Variants in NKAIN2 observed in about 807,000 individuals in gnomAD.
NKAIN2 encodes sodium/potassium-transporting ATPase subunit beta-1-interacting protein 2.
A neutral mutation model predicts 32.6 loss-of-function variants in NKAIN2; 14 were observed. The observed-to-expected ratio is 0.43, with a 90% CI of 0.28 to 0.67. The LOEUF is 0.67. Among genes scored for constraint, NKAIN2 ranks in the 30% least tolerant of loss-of-function variants. The pLI is 0.17. For missense variants in NKAIN2, 198 were observed against 258.3 expected (o/e 0.77, Z 1.60); for synonymous variants, 80 against 87.2 (o/e 0.92, Z 0.46).
At chr6:124,102,506 T>G (rs2114952184) in intron 1 of NKAIN2, among the ~76,000 whole-genome samples, 1 of 152,314 alleles carries the variant, frequency 6.6e-6, no homozygotes, top group Admixed American at 6.5e-5. Context: ...AGTCGTTCGA[T>G]GCCCCAAGAG....
intron 2 of NKAIN2, among the ~76,000 whole-genome samples, chr6:124,286,192 G>T (rs964008043): frequency 1.3e-5 from 2 of 151,792 alleles, no homozygotes; most frequent in African/African-American, 4.8e-5. Context: ...ATTTTAAATT[G>T]AACATTATAT....
chr6:124,202,891 C>T lies in NKAIN2; in HGVS notation c.55-80114C>T, dbSNP rs868047784. On this transcript the variant is annotated intron_variant, in intron 1 of 6. Transcript: ENST00000368417. ...AATAAAAGAAATAAATAATAGATGG[C>T]AGTGATTGTGGCACCTACAAGAGGC... Among the ~76,000 whole-genome samples the T allele has an allele frequency of 2.6e-5, 4 of 151,890 alleles. No homozygotes were observed. In the Middle Eastern group the frequency reaches 0.014, roughly 517 times the overall value.
intron 4 of NKAIN2, among the ~76,000 whole-genome samples, chr6:124,770,171 T>C (rs1778685271): frequency 6.6e-6 from 1 of 152,198 alleles, no homozygotes; most frequent in African/African-American, 2.4e-5. Flanking sequence ...TTTAAAAACA[T>C]GAAAACATCA....
chr6:124,315,937 A>C (rs1796932330), intron 2 of NKAIN2, among the ~76,000 whole-genome samples: 1 of 152,140 alleles, frequency 6.6e-6, no homozygotes, highest in African/African-American at 2.4e-5. Flanking sequence ...TTCTTATGAC[A>C]AGATGGGTGA....
intron 3 of NKAIN2, among the ~76,000 whole-genome samples, chr6:124,612,663 A>T (rs924175113): frequency 2.0e-5 from 3 of 152,174 alleles, no homozygotes; most frequent in African/African-American, 7.2e-5. Context: ...ATAAAATGAA[A>T]CTATTGAATC....
chr6:124,824,878 A>G lies in NKAIN2; in HGVS notation c.*1649A>G, dbSNP rs1781526705. On this transcript the variant is annotated 3_prime_UTR_variant, in exon 7 of 7. Coordinates refer to ENST00000368417, the MANE Select transcript of NKAIN2 (RefSeq NM_001040214.3). ...GTTTGCATGGATGTCTGTAATATAC[A>G]CACACATATACATTTGAAAATGATA... The G allele has an allele frequency of 6.6e-6, 1 of 152,306 alleles. No homozygotes were observed. The highest frequency in any genetic ancestry group is 6.5e-5 in the Admixed American group (1 of 15,268). The allele number at this position is 152,306 out of a possible 1,614,324, so 9.4% of individuals were successfully genotyped here. A position where few individuals can be genotyped will look rare whatever the true frequency, so the allele number is the denominator to read the frequency against.
At position 124,557,148 on chromosome 6, in the gene NKAIN2, C is replaced by G. The variant is rs576852960; in HGVS notation, c.274-101038C>G. On this transcript the variant is annotated intron_variant, in intron 3 of 6. Coordinates refer to ENST00000368417, the MANE Select transcript of NKAIN2 (RefSeq NM_001040214.3). Reference sequence around the variant, plus strand: ...TATTTGCATATAACATTAACATAGGCAAATATTGATGATTGTTATTATGAT... The same window carrying G: ...TATTTGCATATAACATTAACATAGGGAAATATTGATGATTGTTATTATGAT... Among the ~76,000 whole-genome samples, 11 of 152,026 alleles carry G rather than the reference C, an allele frequency of 7.2e-5. No homozygotes were observed. The South Asian group carries it at 2.3e-3, about 32-fold the overall frequency.
chr6:124,157,827 A>G (rs1395283795), intron 1 of NKAIN2, among the ~76,000 whole-genome samples: 4 of 152,162 alleles, frequency 2.6e-5, no homozygotes, highest in Non-Finnish European at 5.9e-5. Flanking sequence ...TTTTAAAGCT[A>G]TGATTTCCTT....
At chr6:124,282,892 T>C (rs41284438) in intron 1 of NKAIN2, 113 bp from the exon 2 acceptor site, 108,844 of 870,770 alleles carry the variant, frequency 0.12, 7,514 homozygotes, top group East Asian at 0.28. Context: ...ATGCCAGATA[T>C]GGTAACACAG....
At chr6:124,109,667 G>A (rs377448539) in intron 1 of NKAIN2, among the ~76,000 whole-genome samples, 65 of 152,030 alleles carry the variant, frequency 4.3e-4, no homozygotes, top group African/African-American at 1.6e-3. Context: ...GGTGAGAGTG[G>A]CATTCTTGCC....
intron 2 of NKAIN2, among the ~76,000 whole-genome samples, chr6:124,304,711 A>T (rs1796439082): frequency 1.3e-5 from 2 of 151,738 alleles, no homozygotes. Flanking sequence ...GTCAGAAGAT[A>T]GAGACCATTC....
intron 4 of NKAIN2, among the ~76,000 whole-genome samples, chr6:124,785,691 C>G (rs73770556): frequency 0.034 from 5,109 of 152,208 alleles, 99 homozygotes; most frequent in Middle Eastern, 0.071. Context: ...TCCTGCCCCC[C>G]ACTAGCCTCT....
At chr6:124,443,732 G>T (rs927359784) in intron 3 of NKAIN2, among the ~76,000 whole-genome samples, 2 of 152,044 alleles carry the variant, frequency 1.3e-5, no homozygotes, top group African/African-American at 2.4e-5. Context: ...ATCAGGAAAC[G>T]TGTCATAAAT....
chr6:124,485,888 T>C (rs1213267606), intron 3 of NKAIN2, among the ~76,000 whole-genome samples: 1 of 152,188 alleles, frequency 6.6e-6, no homozygotes, highest in East Asian at 1.9e-4. Flanking sequence ...CTTGAAGACA[T>C]GCAAGAGGTG....
At chr6:124,699,624 C>G (rs1047043718) in intron 4 of NKAIN2, among the ~76,000 whole-genome samples, 1 of 152,130 alleles carries the variant, frequency 6.6e-6, no homozygotes, top group African/African-American at 2.4e-5. Flanking sequence ...ACCTTCCCCA[C>G]TCTCTTGCTG....
intron 1 of NKAIN2, among the ~76,000 whole-genome samples, chr6:124,257,857 C>G (rs1794024576): frequency 6.7e-6 from 1 of 148,284 alleles, no homozygotes; most frequent in Non-Finnish European, 1.5e-5. Flanking sequence ...TGGATCACTA[C>G]AACATTTGCC....
chr6:124,372,658 A>G (rs1037331623), intron 3 of NKAIN2, among the ~76,000 whole-genome samples: 6 of 152,212 alleles, frequency 3.9e-5, no homozygotes, highest in African/African-American at 9.6e-5. Flanking sequence ...TGCATATTCA[A>G]TGTTCCTGTA....
chr6:124,049,755 C>A (rs1400470770), intron 1 of NKAIN2, among the ~76,000 whole-genome samples: 1 of 151,978 alleles, frequency 6.6e-6, no homozygotes, highest in Non-Finnish European at 1.5e-5. Context: ...ACTACCTGCC[C>A]ATTAGCCACA....
At chr6:124,141,355 TA>T (rs968537759) in intron 1 of NKAIN2, among the ~76,000 whole-genome samples, 2 of 152,186 alleles carry the variant, frequency 1.3e-5, no homozygotes, top group African/African-American at 4.8e-5. Flanking sequence ...ACAATAGTTA[TA>T]AAAGTTTATT....
Sources: gnomAD v4.1 joint callset for allele counts (sites outside exome capture counted in the v4.1 genomes callset) on GRCh38, gnomAD v4.1.1 for gene constraint, MANE v1.5 for transcripts, NCBI Gene and HGNC (gene_info 2026-07-23, HGNC 2026-07-21) for gene names.